The following ASTN2 variants were observed in gnomAD, a reference collection of about 807,000 sequenced individuals.
ASTN2 encodes the protein astrotactin 2.
A neutral mutation model predicts 139.8 loss-of-function variants in ASTN2; 54 were observed. The observed-to-expected ratio is 0.39, with a 90% CI of 0.31 to 0.48. ASTN2 has a LOEUF of 0.48. Among genes scored for constraint, ASTN2 ranks in the 20% least tolerant of loss-of-function variants. The pLI, the probability that ASTN2 is intolerant of heterozygous loss-of-function variation, is 0.95. For missense variants in ASTN2, 1,565 were observed against 1,725.1 expected (o/e 0.91, Z 1.64); for synonymous variants, 756 against 719.5 (o/e 1.05, Z -0.81).
chr9:116,568,162 T>C (rs1853329433), intron 19 of ASTN2, among the ~76,000 whole-genome samples: 1 of 152,184 alleles, frequency 6.6e-6, no homozygotes, highest in South Asian at 2.1e-4. Flanking sequence ...CTCTCATTTC[T>C]CCTTCTCACC....
intron 10 of ASTN2, among the ~76,000 whole-genome samples, chr9:116,909,066 A>G (rs1405094916): frequency 6.6e-6 from 1 of 152,126 alleles, no homozygotes; most frequent in Admixed American, 6.6e-5. Context: ...AGTGGGGAGG[A>G]CACTGGATTC....
chr9:117,188,860 G>C (rs1213806149), intron 3 of ASTN2, among the ~76,000 whole-genome samples: 1 of 152,136 alleles, frequency 6.6e-6, no homozygotes, highest in Non-Finnish European at 1.5e-5. Flanking sequence ...GTACCCGTGG[G>C]AATTATCTAT....
intron 16 of ASTN2, among the ~76,000 whole-genome samples, chr9:116,663,278 G>A (rs1199744958): frequency 1.3e-5 from 2 of 152,172 alleles, no homozygotes; most frequent in Admixed American, 6.5e-5. Context: ...AGACCAACAA[G>A]GTATACCAGC....
intron 10 of ASTN2, among the ~76,000 whole-genome samples, chr9:116,949,477 G>T (rs76497034): frequency 6.6e-6 from 1 of 152,100 alleles, no homozygotes; most frequent in Non-Finnish European, 1.5e-5. Context: ...CTTCTGGGGC[G>T]GAAGTAAAGA....
At chr9:116,581,515 T>A (rs1853951760) in intron 19 of ASTN2, among the ~76,000 whole-genome samples, 1 of 152,198 alleles carries the variant, frequency 6.6e-6, no homozygotes, top group African/African-American at 2.4e-5. Flanking sequence ...CATGCATTGT[T>A]TCACCTTTAA....
At chr9:117,064,228 C>T (rs866074983) in intron 5 of ASTN2, among the ~76,000 whole-genome samples, 16 of 152,080 alleles carry the variant, frequency 1.1e-4, no homozygotes, top group Middle Eastern at 3.4e-3. Context: ...GAGCTGTTAT[C>T]ACGGTCCAGC....
Position 117,376,720 on chromosome 9 carries a change from A to T in ASTN2, c.442+37777T>A, listed in dbSNP as rs145672027. 1.8e-3 allele frequency among the ~76,000 whole-genome samples: 280 copies of T among 152,292 alleles called. 2 individuals carry two copies. Among genetic ancestry groups the T allele is most frequent in the African/African-American group, 6.3e-3 (262 of 41,564 alleles). The stretch of plus-strand genomic sequence containing the variant: ...GTCACATTTCTGGGATCAGTTTCTG[A>T]ACTGGAAAATCGGGGCTATGATGTT... On this transcript the variant is annotated intron_variant, in intron 1 of 22. Transcript: ENST00000313400.
chr9:117,210,624 T>C (rs962164825), intron 3 of ASTN2, among the ~76,000 whole-genome samples: 1 of 152,144 alleles, frequency 6.6e-6, no homozygotes, highest in Non-Finnish European at 1.5e-5. Flanking sequence ...TTCTGCTGAA[T>C]GTATAAAGAA....
intron 20 of ASTN2, among the ~76,000 whole-genome samples, chr9:116,451,315 C>T (rs566998797): frequency 4.1e-4 from 62 of 152,198 alleles, no homozygotes; most frequent in African/African-American, 1.4e-3. Context: ...AATTCATTTA[C>T]AATTAAAGTG....
chr9:116,438,963 G>C (rs2118865144), intron 22 of ASTN2, among the ~76,000 whole-genome samples: 1 of 152,118 alleles, frequency 6.6e-6, no homozygotes, highest in South Asian at 2.1e-4. Context: ...AAAAAGAAAA[G>C]AAAATCTTGG....
intron 20 of ASTN2, among the ~76,000 whole-genome samples, chr9:116,462,499 AG>A (rs1848517822): frequency 6.6e-6 from 1 of 152,194 alleles, no homozygotes; most frequent in South Asian, 2.1e-4. Flanking sequence ...AAAAGTACAG[AG>A]AAAGGAGAAT....
At position 117,132,571 on chromosome 9, in the gene ASTN2, A is replaced by C. The variant is rs79881156; in HGVS notation, c.1168+8755T>G. 5.1e-3 allele frequency among the ~76,000 whole-genome samples: 784 copies of C among 152,244 alleles called. 5 individuals carry two copies. Among genetic ancestry groups the C allele is most frequent in the Non-Finnish European group, 7.0e-3 (477 of 68,032 alleles). ...TGATGTATTTCAGATGGACAAGAAA[A>C]AGCTCCTGAAGGAGACATACACTTT... On this transcript the variant is annotated intron_variant, in intron 4 of 22. Transcript: ENST00000313400.
chr9:116,586,841 C>CACAT (rs1351273043), intron 19 of ASTN2, among the ~76,000 whole-genome samples: 2 of 145,638 alleles, frequency 1.4e-5, no homozygotes, highest in Non-Finnish European at 1.5e-5. Context: ...TACACACACA[C>CACAT]ACACACACAC....
chr9:116,715,394 G>A (rs745347094), intron 16 of ASTN2, among the ~76,000 whole-genome samples: 5 of 152,140 alleles, frequency 3.3e-5, no homozygotes, highest in Non-Finnish European at 4.4e-5. Flanking sequence ...AAGAGACTTC[G>A]CCATTCCTAA....
intron 2 of ASTN2, among the ~76,000 whole-genome samples, chr9:117,233,005 C>T (rs1490662357): frequency 6.6e-6 from 1 of 152,032 alleles, no homozygotes; most frequent in Non-Finnish European, 1.5e-5. Flanking sequence ...CTACTTCCTT[C>T]CCTGGCTCTG....
intron 1 of ASTN2, among the ~76,000 whole-genome samples, chr9:117,408,041 G>T (rs887196211): frequency 6.6e-6 from 1 of 152,036 alleles, no homozygotes; most frequent in Non-Finnish European, 1.5e-5. Context: ...TTCTGCCCCA[G>T]AACAAAACCC....
chr9:117,060,768 A>G (rs1321302530), intron 5 of ASTN2, among the ~76,000 whole-genome samples: 1 of 151,840 alleles, frequency 6.6e-6, no homozygotes, highest in African/African-American at 2.4e-5. Flanking sequence ...GATGGCAGGC[A>G]CCTGTAGTCC....
At position 117,266,920 on chromosome 9, in the gene ASTN2, TC is replaced by T. The variant is rs566987445; in HGVS notation, c.630+24405del. Among the ~76,000 whole-genome samples, 27 of 152,270 alleles carry T rather than the reference TC, an allele frequency of 1.8e-4. 1 individual carries two copies. The South Asian group carries it at 5.2e-3, about 29-fold the overall frequency. ...TTTCCTTCTAGGAGGTGGATCTTAA[TC>T]CCCCTCTTCTTGAGCGTATGCTGGA... On this transcript the variant is annotated intron_variant, in intron 2 of 22. Transcript: ENST00000313400.
chr9:116,876,258 A>C (rs1429622194), intron 10 of ASTN2, among the ~76,000 whole-genome samples: 1 of 152,130 alleles, frequency 6.6e-6, no homozygotes, highest in East Asian at 1.9e-4. Context: ...ATTGCAAGAG[A>C]ACTAGATTTA....
Sources: allele counts gnomAD v4.1 joint callset (sites outside exome capture counted in the v4.1 genomes callset), GRCh38; gene constraint gnomAD v4.1.1; transcripts MANE v1.5; gene names NCBI Gene and HGNC (gene_info 2026-07-23, HGNC 2026-07-21).